UNC79: variants seen among roughly 807,000 people sequenced by gnomAD.
The protein encoded by UNC79 is unc-79 subunit of NALCN channel complex.
Under a neutral mutation model 283.1 loss-of-function variants are expected in UNC79, and 37 were observed. The ratio of observed to expected loss-of-function variants is 0.13; its 90% confidence interval spans 0.10 to 0.17. The LOEUF (loss-of-function observed/expected upper bound fraction) is 0.17. Among genes scored for constraint, UNC79 ranks in the 10% least tolerant of loss-of-function variants. The probability of loss-of-function intolerance (pLI) is 1.00; values close to 1 mark genes in which losing one functional copy is unlikely to be tolerated. For missense variants in UNC79, 2,272 were observed against 3,211.1 expected (o/e 0.71, Z 7.07); for synonymous variants, 1,107 against 1,200.2 (o/e 0.92, Z 1.61).
intron 40 of UNC79, among the ~76,000 whole-genome samples, chr14:93,671,925 G>GA (rs928478551): frequency 5.3e-5 from 8 of 151,742 alleles, no homozygotes; most frequent in South Asian, 2.1e-4. Context: ...ACAGGCATAT[G>GA]AAAAAAAATG....
intron 5 of UNC79, among the ~76,000 whole-genome samples, chr14:93,489,263 G>T (rs542557567): frequency 2.0e-5 from 3 of 152,154 alleles, no homozygotes; most frequent in Admixed American, 6.5e-5. Flanking sequence ...GAGGACACAA[G>T]CATTTAGTCT....
intron 1 of UNC79, among the ~76,000 whole-genome samples, chr14:93,454,499 C>T (rs1429228364): frequency 1.3e-5 from 2 of 152,160 alleles, no homozygotes; most frequent in Non-Finnish European, 2.9e-5. Flanking sequence ...TCAAGTGTTT[C>T]TCTTTATAGT....
intron 22 of UNC79, among the ~76,000 whole-genome samples, chr14:93,587,464 A>C (rs549675446): frequency 2.6e-5 from 4 of 152,348 alleles, no homozygotes; most frequent in South Asian, 2.1e-4. Flanking sequence ...TATATGTATG[A>C]GAATGAGTCA....
chr14:93,334,751 A>G (rs192723160), intron 1 of UNC79: 5 of 152,390 alleles, frequency 3.3e-5, no homozygotes, highest in Non-Finnish European at 5.9e-5. Context: ...CTTTTCTTAT[A>G]CTCACATTCC....
chr14:93,634,426 ATG>A, intron 31 of UNC79, 93 bp from the exon 34 acceptor site: 1 of 912,690 alleles, frequency 1.1e-6, no homozygotes, highest in Non-Finnish European at 1.7e-6. Context: ...TGAATAGCAA[ATG>A]AAGGGTCAAT....
chr14:93,586,453 GA>G, intron 20 of UNC79, 142 bp from the exon 21 acceptor site: 1 of 647,072 alleles, frequency 1.5e-6, no homozygotes, highest in Non-Finnish European at 2.7e-6. Flanking sequence ...TGCTAATGTG[GA>G]GAGCAGATAA....
intron 1 of UNC79, among the ~76,000 whole-genome samples, chr14:93,374,284 T>G (rs1382752626): frequency 6.6e-6 from 1 of 152,200 alleles, no homozygotes; most frequent in African/African-American, 2.4e-5. Flanking sequence ...CAAGCAGCTA[T>G]GTGGGTTGCA....
intron 41 of UNC79, among the ~76,000 whole-genome samples, chr14:93,678,206 A>G (rs1322265929): frequency 6.6e-6 from 1 of 152,174 alleles, no homozygotes. Flanking sequence ...CTTTATGTAT[A>G]TCAGTGACCA....
At chr14:93,642,606 G>T (rs2069162465) in intron 33 of UNC79, among the ~76,000 whole-genome samples, 1 of 152,042 alleles carries the variant, frequency 6.6e-6, no homozygotes, top group African/African-American at 2.4e-5. Context: ...CCCATGGAGG[G>T]CTCTCTCCAG....
At chr14:93,520,345 T>C (rs2060265485) in intron 7 of UNC79, among the ~76,000 whole-genome samples, 1 of 152,082 alleles carries the variant, frequency 6.6e-6, no homozygotes, top group Non-Finnish European at 1.5e-5. Flanking sequence ...TTTCTTCTTA[T>C]TGGTTTTCAT....
At chr14:93,512,576 C>T (rs995634103) in intron 7 of UNC79, among the ~76,000 whole-genome samples, 6 of 151,996 alleles carry the variant, frequency 3.9e-5, no homozygotes, top group African/African-American at 7.2e-5. Context: ...AAAATGTTTA[C>T]CTGTGCATTA....
At chr14:93,492,499 A>G (rs1402839632) in intron 5 of UNC79, among the ~76,000 whole-genome samples, 1 of 152,132 alleles carries the variant, frequency 6.6e-6, no homozygotes, top group Non-Finnish European at 1.5e-5. Context: ...GACTACAGGC[A>G]CATGCCACCA....
chr14:93,446,582 A>G (rs895739672), intron 1 of UNC79, among the ~76,000 whole-genome samples: 15 of 151,994 alleles, frequency 9.9e-5, no homozygotes, highest in African/African-American at 3.6e-4. Context: ...TTAGTAGAGA[A>G]GGGGATTCAT....
At chr14:93,685,406 TA>T (rs1466400118) in intron 42 of UNC79, among the ~76,000 whole-genome samples, 1 of 152,172 alleles carries the variant, frequency 6.6e-6, no homozygotes, top group African/African-American at 2.4e-5. Context: ...AGGAACACAA[TA>T]ACCTTTTATA....
chr14:93,421,329 A>G (rs950399473), intron 1 of UNC79, among the ~76,000 whole-genome samples: 5 of 151,532 alleles, frequency 3.3e-5, no homozygotes, highest in Admixed American at 2.6e-4. Flanking sequence ...GGAACTATTA[A>G]TATATGCCAA....
At chr14:93,606,073 TAGTC>T (rs1166932634) in intron 26 of UNC79, among the ~76,000 whole-genome samples, 3 of 152,344 alleles carry the variant, frequency 2.0e-5, no homozygotes, top group Non-Finnish European at 4.4e-5. Flanking sequence ...AGATTGTTCT[TAGTC>T]AGTTTCATAA....
chr14:93,504,015 A>G (rs1886629808), intron 7 of UNC79, among the ~76,000 whole-genome samples: 3 of 151,928 alleles, frequency 2.0e-5, no homozygotes, highest in Admixed American at 6.6e-5. Flanking sequence ...TTTATTGAAA[A>G]TATTATTCTT....
intron 1 of UNC79, among the ~76,000 whole-genome samples, chr14:93,385,830 G>T (rs1426297177): frequency 1.3e-5 from 2 of 151,822 alleles, no homozygotes; most frequent in South Asian, 4.1e-4. Context: ...TTTGTATGCT[G>T]CAGCTTTACT....
At chr14:93,687,042 T>C (rs2074296533) in intron 43 of UNC79, among the ~76,000 whole-genome samples, 1 of 152,214 alleles carries the variant, frequency 6.6e-6, no homozygotes, top group Admixed American at 6.5e-5. Flanking sequence ...TGACTCTCAA[T>C]TCATTCTCTT....
Sources: allele counts gnomAD v4.1 joint callset (sites outside exome capture counted in the v4.1 genomes callset), GRCh38; gene constraint gnomAD v4.1.1; transcripts MANE v1.5; gene names NCBI Gene and HGNC (gene_info 2026-07-23, HGNC 2026-07-21).